CEP97: variants seen among roughly 807,000 people sequenced by gnomAD.
The protein encoded by CEP97 is centrosomal protein of 97 kDa.
Under a neutral mutation model 73.1 loss-of-function variants are expected in CEP97, and 43 were observed. That is an observed-to-expected ratio of 0.59 (90% CI 0.46 to 0.76). The LOEUF (loss-of-function observed/expected upper bound fraction) is 0.76. Among genes scored for constraint, CEP97 ranks in the 30% least tolerant of loss-of-function variants. The pLI, the probability that CEP97 is intolerant of heterozygous loss-of-function variation, is 0.00. For missense variants in CEP97, 939 were observed against 1,014.0 expected (o/e 0.93, Z 1.00); for synonymous variants, 337 against 370.0 (o/e 0.91, Z 1.02).
chr3:101,731,712 T>C (rs1293519140), intron 4 of CEP97, 128 bp from the exon 5 acceptor site: 3 of 604,616 alleles, frequency 5.0e-6, no homozygotes, highest in East Asian at 5.8e-5. Context: ...AGTCTTTGAT[T>C]TGTGTGTGAT....
chr3:101,769,045 G>A lies in CEP97; in HGVS notation c.*3494G>A, dbSNP rs1237101361. On this transcript the variant is annotated 3_prime_UTR_variant, in exon 11 of 11. Transcript: ENST00000341893. ...TGAGCGTGTGTTTTTATCTGTTTTG[G>A]ATTATTTTTTGTATACAAACACCAT... is the stretch of plus-strand genomic sequence containing the variant. The A allele has an allele frequency of 2.0e-5, 3 of 151,974 alleles. No individual in the cohort carries two copies. The highest frequency in any genetic ancestry group is 4.4e-5 in the Non-Finnish European group (3 of 67,986). The allele number at this position is 151,974 out of a possible 1,614,324, so 9.4% of individuals were successfully genotyped here. A position where few individuals can be genotyped will look rare whatever the true frequency, so the allele number is the denominator to read the frequency against.
At position 101,732,584 on chromosome 3, in the gene CEP97, C is replaced by G. The variant is rs1215207458; in HGVS notation, c.658C>G (p.Arg220Gly). 7.4e-6 allele frequency: 12 copies of G among 1,613,996 alleles called. No individual in the cohort carries two copies. The highest frequency in any genetic ancestry group is 1.0e-5 in the Non-Finnish European group (12 of 1,179,886). ...ATPSIPGFDY[R>G]PYIVSWCLNL... ...ACCATCCATCCCAGGATTTGACTAT[C>G]GGCCGTACATCGTCAGCTGGTGCCT... is the stretch of plus-strand genomic sequence containing the variant. Residue 220 changes from arginine (R) to glycine (G), a missense_variant, in exon 6 of 11, where the codon CGG (arginine) becomes GGG (glycine). By Grantham distance (125) the Arg-to-Gly change is moderately radical (BLOSUM62 -2). Transcript: ENST00000341893.
chr3:101,733,003 G>T (rs1035646477), intron 6 of CEP97, among the ~76,000 whole-genome samples: 1 of 151,204 alleles, frequency 6.6e-6, no homozygotes, highest in Non-Finnish European at 1.5e-5. Context: ...CACACCTGTA[G>T]TCCTAGCTAC....
rs1359528861 is a variant in CEP97 at position 101,755,354 on chromosome 3, G to T, written c.729-76G>T. 5 of 1,269,164 alleles carry T rather than the reference G, an allele frequency of 3.9e-6. No homozygotes were observed. In the South Asian group the frequency reaches 6.4e-5, roughly 16 times the overall value. The allele number at this position is 1,269,164 out of a possible 1,614,324, so 78.6% of individuals were successfully genotyped here. On this transcript the variant is annotated intron_variant, in intron 6 of 10. Transcript: ENST00000341893. The stretch of plus-strand genomic sequence containing the variant: ...GGTGCTATAAAGGTAAGTTAACAAG[G>T]AAGATCATTGTTGCCTGACAATGTG...
At chr3:101,732,046 C>A in intron 5 of CEP97, 93 bp downstream of exon 5, 1 of 742,928 alleles carries the variant, frequency 1.3e-6, no homozygotes, top group South Asian at 1.6e-5. Flanking sequence ...AGACTGTGAG[C>A]ATCTTGGAAG....
Position 101,755,481 on chromosome 3 carries a change from T to A in CEP97, c.780T>A (p.Pro260=), listed in dbSNP as rs199841045. 199 of 1,614,170 alleles carry A rather than the reference T, an allele frequency of 1.2e-4. 3 individuals carry two copies. The highest frequency in any genetic ancestry group is 1.6e-4 in the Non-Finnish European group (183 of 1,180,010). ...YSQGKGRAYR[P]GQHIQLVQYL... is the part of the protein sequence containing the mutation. ...AAGGCAAGGGGAGAGCATATCGGCCTGGCCAGCACATCCAGCTTGTCCAAT... is the reference window on the plus strand; with the variant it reads ...AAGGCAAGGGGAGAGCATATCGGCCAGGCCAGCACATCCAGCTTGTCCAAT... The change falls in exon 7 of 11, where the codon CCT becomes CCA. Residue 260 remains proline (P), a synonymous_variant. Coordinates refer to ENST00000341893, the MANE Select transcript of CEP97 (RefSeq NM_024548.4).
chr3:101,731,802 T>G (rs952614010), intron 4 of CEP97, 38 bp from the exon 5 acceptor site: 1 of 1,182,908 alleles, frequency 8.5e-7, no homozygotes. Flanking sequence ...TTATTTGTAA[T>G]CTTTTCATTT....
At chr3:101,747,160 C>T (rs950178378) in intron 6 of CEP97, among the ~76,000 whole-genome samples, 17 of 151,456 alleles carry the variant, frequency 1.1e-4, no homozygotes. Context: ...AACATTTGAC[C>T]CAGCCATCCC....
At chr3:101,748,408 C>T (rs1938693967) in intron 6 of CEP97, among the ~76,000 whole-genome samples, 1 of 152,004 alleles carries the variant, frequency 6.6e-6, no homozygotes, top group Non-Finnish European at 1.5e-5. Context: ...GCCCTTTCTT[C>T]TAGCCTCTTA....
chr3:101,740,381 C>G (rs1938412190), intron 6 of CEP97, among the ~76,000 whole-genome samples: 2 of 152,038 alleles, frequency 1.3e-5, no homozygotes, highest in Admixed American at 1.3e-4. Context: ...TGCAAAGAGA[C>G]TAAAATACCT....
At chr3:101,727,663 A>G (rs559883723) in intron 3 of CEP97, 122 bp downstream of exon 3, 1 of 681,490 alleles carries the variant, frequency 1.5e-6, no homozygotes, top group East Asian at 2.9e-5. Context: ...AATCTCTGTT[A>G]AAATAAACTA....
At chr3:101,724,807 C>T (rs1351899845) in intron 1 of CEP97, 88 bp downstream of exon 1, 3 of 1,356,806 alleles carry the variant, frequency 2.2e-6, no homozygotes, top group South Asian at 1.2e-5. Context: ...TTTAGATGTG[C>T]AGTTCTGGAC....
chr3:101,731,942 G>A lies in CEP97; in HGVS notation c.550G>A (p.Asp184Asn). The A allele has an allele frequency of 1.3e-6, 2 of 1,581,382 alleles. No homozygotes were observed. The highest frequency in any genetic ancestry group is 1.7e-6 in the Non-Finnish European group (2 of 1,151,022). ...ILSLAENEIR[D>N]LNEISFLASL... ...TTCTTTGGCAGAAAATGAAATCCGA[G>A]ACTTAAATGAGGTAAAATTTGAGGG... The change falls in exon 5 of 11, where the codon GAC becomes AAC. Residue 184 changes from aspartate to asparagine, a missense_variant. Coordinates refer to ENST00000341893, the MANE Select transcript of CEP97 (RefSeq NM_024548.4).
In CEP97 at chr3:101,758,340, C is replaced by G. The variant is rs1939077879; in HGVS notation, c.1734C>G (p.Asn578Lys). Residue 578 changes from asparagine to lysine, a missense_variant, in exon 9 of 11, where the codon AAC (asparagine) becomes AAG (lysine). Transcript: ENST00000341893. ...GGGGATTTTATGCCAGGAACTACAA[C>G]CCTCAAGCCAAAGATGTGCGTTACG... ...CWRGFYARNY[N>K]PQAKDVRYEI... 1 of 1,614,082 alleles carries G rather than the reference C, an allele frequency of 6.2e-7. No individual in the cohort carries two copies. Among genetic ancestry groups the G allele is most frequent in the Non-Finnish European group, 8.5e-7 (1 of 1,180,042 alleles).
chr3:101,742,101 G>A (rs1052596542), intron 6 of CEP97, among the ~76,000 whole-genome samples: 1 of 151,920 alleles, frequency 6.6e-6, no homozygotes, highest in Admixed American at 6.6e-5. Flanking sequence ...AGATGCTGGA[G>A]AGGATGTTAA....
At chr3:101,742,036 C>T (rs1411522630) in intron 6 of CEP97, among the ~76,000 whole-genome samples, 7 of 140,874 alleles carry the variant, frequency 5.0e-5, no homozygotes, top group East Asian at 4.1e-4. Context: ...AGTGAGACTC[C>T]GTCTCAAAAA....
At chr3:101,764,393 C>T (rs1046563667) in intron 10 of CEP97, among the ~76,000 whole-genome samples, 5 of 152,098 alleles carry the variant, frequency 3.3e-5, no homozygotes, top group Non-Finnish European at 4.4e-5. Flanking sequence ...GGGCGGATCA[C>T]CTGACGTCAG....
At position 101,727,995 on chromosome 3, in the gene CEP97, T is replaced by C. The variant is rs117538510; in HGVS notation, c.345+454T>C. ...CTAGATTACCAATAGCTGCCTTTTA[T>C]TGAGCCATTAATGTATCTGAGCTAC... On this transcript the variant is annotated intron_variant, in intron 3 of 10. Coordinates refer to ENST00000341893, the MANE Select transcript of CEP97 (RefSeq NM_024548.4). Among the ~76,000 whole-genome samples, 55 of 152,352 alleles carry C rather than the reference T, an allele frequency of 3.6e-4. 1 individual carries two copies. In the East Asian group the frequency reaches 7.7e-3, roughly 21 times the overall value.
chr3:101,738,988 G>A (rs1444005714), intron 6 of CEP97, among the ~76,000 whole-genome samples: 2 of 152,120 alleles, frequency 1.3e-5, no homozygotes, highest in African/African-American at 2.4e-5. Context: ...AAATGATAAA[G>A]AGCATATCAC....
Sources: gnomAD v4.1 joint callset for allele counts (sites outside exome capture counted in the v4.1 genomes callset) on GRCh38, gnomAD v4.1.1 for gene constraint, MANE v1.5 for transcripts, NCBI Gene and HGNC (gene_info 2026-07-23, HGNC 2026-07-21) for gene names.